The following FOXN3 variants were observed in gnomAD, a reference collection of about 807,000 sequenced individuals.
The protein encoded by FOXN3 is forkhead box N3.
FOXN3 carries 7 observed loss-of-function variants against 38.4 expected under a neutral mutation model. The observed-to-expected ratio is 0.18, with a 90% CI of 0.10 to 0.34. The LOEUF (loss-of-function observed/expected upper bound fraction) is 0.34, where lower values mean the gene tolerates loss of function less well. FOXN3 is among the 10% of genes least tolerant of loss of function. FOXN3 has a pLI of 1.00. For missense variants in FOXN3, 456 were observed against 613.4 expected, an observed-to-expected ratio of 0.74 and a Z score of 2.71; for synonymous variants, 230 against 242.2, an observed-to-expected ratio of 0.95 and a Z score of 0.47.
chr14:89,322,897 G>T (rs1402555958), intron 3 of FOXN3, among the ~76,000 whole-genome samples: 1 of 152,174 alleles, frequency 6.6e-6, no homozygotes, highest in Non-Finnish European at 1.5e-5. Context: ...GAGAGCAAAA[G>T]AAAGTCCCCG....
In FOXN3 at chr14:89,480,338, G is replaced by A. The variant is rs144875092; in HGVS notation, c.-14-67848C>T. Among the ~76,000 whole-genome samples the A allele has an allele frequency of 4.1e-3, 624 of 152,138 alleles. 3 individuals carry two copies. Among genetic ancestry groups the A allele is most frequent in the African/African-American group, 0.014 (575 of 41,478 alleles). ...GAATCACTTCAACTCGGGAGGCGGA[G>A]GTTGCAGTGAGCCGAGACCGTGCCA... On this transcript the variant is annotated intron_variant, in intron 1 of 6. Coordinates refer to the FOXN3 transcript ENST00000345097.
At chr14:89,265,633 T>C (rs962574658) in intron 4 of FOXN3, among the ~76,000 whole-genome samples, 3 of 152,132 alleles carry the variant, frequency 2.0e-5, no homozygotes, top group Non-Finnish European at 4.4e-5. Context: ...AAAGGAACTG[T>C]CCATTATAGC....
At chr14:89,190,393 G>A (rs1411425961) in intron 4 of FOXN3, 1 of 1,613,210 alleles carries the variant, frequency 6.2e-7, no homozygotes, top group African/African-American at 1.3e-5. Context: ...CAACCTGCTT[G>A]TATCTCAGGG....
intron 1 of FOXN3, among the ~76,000 whole-genome samples, chr14:89,575,465 C>T (rs1291447713): frequency 1.3e-5 from 2 of 152,078 alleles, no homozygotes; most frequent in Non-Finnish European, 2.9e-5. Flanking sequence ...CTGCCCACTC[C>T]CTGCTTTTAC....
At chr14:89,407,923 A>G (rs1427776779) in intron 2 of FOXN3, among the ~76,000 whole-genome samples, 1 of 152,248 alleles carries the variant, frequency 6.6e-6, no homozygotes, top group Non-Finnish European at 1.5e-5. Flanking sequence ...CTACTGAATC[A>G]GGATGTGTGT....
At chr14:89,398,234 G>A (rs1891150365) in intron 2 of FOXN3, among the ~76,000 whole-genome samples, 1 of 152,140 alleles carries the variant, frequency 6.6e-6, no homozygotes, top group South Asian at 2.1e-4. Flanking sequence ...CAGTCCCCAG[G>A]ATAAAGTAAT....
intron 1 of FOXN3, among the ~76,000 whole-genome samples, chr14:89,481,466 T>C (rs1326839109): frequency 6.6e-6 from 1 of 152,122 alleles, no homozygotes; most frequent in Non-Finnish European, 1.5e-5. Flanking sequence ...GCTGGAACTT[T>C]CTACCAGTAT....
At chr14:89,522,709 C>T (rs947792208) in intron 1 of FOXN3, among the ~76,000 whole-genome samples, 1 of 149,338 alleles carries the variant, frequency 6.7e-6, no homozygotes, top group Non-Finnish European at 1.5e-5. Flanking sequence ...GTAAAGCAAC[C>T]ATTAAAATAA....
At chr14:89,475,472 C>G (rs1200232621) in intron 1 of FOXN3, among the ~76,000 whole-genome samples, 1 of 151,788 alleles carries the variant, frequency 6.6e-6, no homozygotes, top group Non-Finnish European at 1.5e-5. Context: ...CCTGGACAAC[C>G]TAGGGAGACG....
At chr14:89,324,071 C>G (rs915345351) in intron 3 of FOXN3, among the ~76,000 whole-genome samples, 2 of 152,112 alleles carry the variant, frequency 1.3e-5, no homozygotes, top group Non-Finnish European at 2.9e-5. Context: ...TCTAAGCCAC[C>G]ACCATGTGAT....
intron 4 of FOXN3, among the ~76,000 whole-genome samples, chr14:89,222,224 C>T (rs1402022396): frequency 6.6e-6 from 1 of 152,192 alleles, no homozygotes; most frequent in African/African-American, 2.4e-5. Context: ...AAGTACCCTG[C>T]CTATGCCCAC....
At chr14:89,389,124 G>A (rs1410511653) in intron 2 of FOXN3, among the ~76,000 whole-genome samples, 2 of 152,076 alleles carry the variant, frequency 1.3e-5, no homozygotes, top group African/African-American at 4.8e-5. Flanking sequence ...CAGCCTGAGG[G>A]GAACTTACAG....
chr14:89,255,356 C>G (rs928084576), intron 4 of FOXN3, among the ~76,000 whole-genome samples: 3 of 152,038 alleles, frequency 2.0e-5, no homozygotes, highest in Non-Finnish European at 4.4e-5. Context: ...AAATCAGGCA[C>G]CAGCTGCCTA....
At chr14:89,518,817 C>T (rs763504123) in intron 1 of FOXN3, among the ~76,000 whole-genome samples, 1 of 152,044 alleles carries the variant, frequency 6.6e-6, no homozygotes, top group African/African-American at 2.4e-5. Flanking sequence ...GAGTTCAAGA[C>T]CAGCCTGGCC....
At chr14:89,495,713 A>G (rs957869656) in intron 1 of FOXN3, among the ~76,000 whole-genome samples, 13 of 152,168 alleles carry the variant, frequency 8.5e-5, no homozygotes, top group African/African-American at 2.9e-4. Flanking sequence ...ATGCCCTTAC[A>G]TTCCTCTAGT....
chr14:89,433,718 C>T (rs1200985421), intron 1 of FOXN3, among the ~76,000 whole-genome samples: 2 of 149,886 alleles, frequency 1.3e-5, no homozygotes, highest in East Asian at 2.1e-4. Context: ...GCAGTAGAAT[C>T]GCTTGAATCC....
intron 1 of FOXN3, among the ~76,000 whole-genome samples, chr14:89,493,502 T>C (rs1475767650): frequency 1.3e-5 from 2 of 152,138 alleles, no homozygotes; most frequent in African/African-American, 4.8e-5. Context: ...ACTGAAGTCA[T>C]ATAAGGTTAC....
intron 3 of FOXN3, chr14:89,291,323 G>T: frequency 3.7e-6 from 2 of 535,216 alleles, no homozygotes; most frequent in South Asian, 1.5e-5. Context: ...TCTCGGGGTT[G>T]TTGGTCATGA....
intron 1 of FOXN3, among the ~76,000 whole-genome samples, chr14:89,520,814 T>C (rs1894302657): frequency 6.6e-6 from 1 of 151,934 alleles, no homozygotes; most frequent in Non-Finnish European, 1.5e-5. Flanking sequence ...CCAACAGCAA[T>C]CAGAAAGACT....
Sources: gnomAD v4.1 joint callset for allele counts (sites outside exome capture counted in the v4.1 genomes callset) on GRCh38, gnomAD v4.1.1 for gene constraint, MANE v1.5 for transcripts, NCBI Gene and HGNC (gene_info 2026-07-23, HGNC 2026-07-21) for gene names.